Variants in ABCC5 observed in about 807,000 individuals in gnomAD.
The protein encoded by ABCC5 is ATP binding cassette subfamily C member 5.
Under a neutral mutation model 160.9 loss-of-function variants are expected in ABCC5, and 61 were observed. The ratio of observed to expected loss-of-function variants is 0.38; its 90% CI spans 0.31 to 0.47. The LOEUF is 0.47. ABCC5 is among the 20% of genes least tolerant of loss of function. ABCC5 has a pLI of 0.99. For missense variants in ABCC5, 1,308 were observed against 1,813.3 expected (o/e 0.72, Z 5.06); for synonymous variants, 666 against 700.6 (o/e 0.95, Z 0.78).
chr3:183,927,586 T>G, intron 27 of ABCC5, 143 bp from the exon 28 acceptor site: 1 of 1,430,776 alleles, frequency 7.0e-7, no homozygotes, highest in South Asian at 1.4e-5. Flanking sequence ...AAGGTGCAGG[T>G]GTACTGATCA....
At chr3:183,923,057 G>T (rs1444967769) in intron 29 of ABCC5, among the ~76,000 whole-genome samples, 1 of 152,146 alleles carries the variant, frequency 6.6e-6, no homozygotes, top group Non-Finnish European at 1.5e-5. Flanking sequence ...GTGTGCAGAT[G>T]CAAGAAAAAC....
In ABCC5 at chr3:183,996,933, T is replaced by G. The variant is rs542393845; in HGVS notation, c.130-7550A>C. Among the ~76,000 whole-genome samples, 3 of 152,286 alleles carry G rather than the reference T, an allele frequency of 2.0e-5. No individual in the cohort carries two copies. In the South Asian group the frequency reaches 6.2e-4, roughly 32 times the overall value. On this transcript the variant is annotated intron_variant, in intron 2 of 29. Coordinates refer to ENST00000334444, the MANE Select transcript of ABCC5 (RefSeq NM_005688.4). ...GTCATATCTTTACACATTGCCCAAG[T>G]CAGGAAAATGAAATATCTGATGGAA...
chr3:184,001,284 AAAT>A (rs1308938249), intron 2 of ABCC5: 1 of 493,482 alleles, frequency 2.0e-6, no homozygotes, highest in Non-Finnish European at 3.6e-6. Flanking sequence ...AAATTAATTT[AAAT>A]AATATATTTC....
Position 183,978,538 on chromosome 3 carries a change from G to C in ABCC5, c.1261C>G (p.His421Asp). ...VIASVVTFSV[H>D]MTLGFDLTAA... is the part of the protein sequence containing the mutation. ...GTCAGATCGAAGCCCAGGGTCATATGAACAGAGAAGGTCACCACGCTGGCA... is the reference window on the plus strand; with the variant it reads ...GTCAGATCGAAGCCCAGGGTCATATCAACAGAGAAGGTCACCACGCTGGCA... The change falls in exon 9 of 30, where the codon CAT becomes GAT. Residue 421 changes from histidine (H) to aspartate (D), a missense_variant. Transcript: ENST00000334444. 1.9e-6 allele frequency: 3 copies of C among 1,614,084 alleles called. No homozygotes were observed. The highest frequency in any genetic ancestry group is 2.5e-6 in the Non-Finnish European group (3 of 1,180,006).
rs2108936792 is a variant in ABCC5 at position 184,014,443 on chromosome 3, AATTCC to A, written c.-55-1_-52del. ...TCACAGACTGTTAGTTTCACATCAG[AATTCC>A]TGAAATTAAAAATTCATCAAGAAAT... On this transcript the variant is annotated splice_acceptor_variant and 5_prime_UTR_variant, in exon 2 of 30. Coordinates refer to ENST00000334444, the MANE Select transcript of ABCC5 (RefSeq NM_005688.4). LOFTEE classifies it low-confidence loss of function (5UTR_SPLICE). 6.5e-7 allele frequency: 1 copy of A among 1,545,886 alleles called. No homozygotes were observed. Among genetic ancestry groups the A allele is most frequent in the Non-Finnish European group, 8.7e-7 (1 of 1,146,952 alleles).
At chr3:183,940,888 C>T (rs1298168702) in intron 25 of ABCC5, among the ~76,000 whole-genome samples, 12 of 152,104 alleles carry the variant, frequency 7.9e-5, no homozygotes, top group African/African-American at 2.2e-4. Flanking sequence ...GATGGAGTTT[C>T]GCTCTTGTTG....
At chr3:183,941,322 G>A (rs1714324215) in intron 25 of ABCC5, among the ~76,000 whole-genome samples, 1 of 152,170 alleles carries the variant, frequency 6.6e-6, no homozygotes, top group Non-Finnish European at 1.5e-5. Flanking sequence ...TGCAGCAGAT[G>A]GGCTCAAGGG....
chr3:183,972,105 G>A (rs1717808572), intron 10 of ABCC5, 186 bp from the exon 11 acceptor site: 5 of 1,199,104 alleles, frequency 4.2e-6, no homozygotes, highest in Non-Finnish European at 4.8e-6. Context: ...GGAGTGTGGG[G>A]CAACCTCAAG....
At chr3:183,961,486 A>G in intron 16 of ABCC5, 25 bp downstream of exon 16, 3 of 1,612,368 alleles carry the variant, frequency 1.9e-6, no homozygotes, top group Non-Finnish European at 2.5e-6. Context: ...AGAAGGGGAC[A>G]CACGCAAACA....
rs1177251349 is a variant in ABCC5, at chr3:183,950,049, G to A, written c.3021C>T (p.Ile1007=). ...CAAGGAACCACGGGAAGACTCCTGC[G>A]ATCATTCCCACACAGAAGAACACCA... The part of the protein sequence containing the change: ...VILVFFCVGM[I]AGVFPWFLVA... Residue 1007 remains isoleucine, a synonymous_variant, in exon 21 of 30, where the codon ATC becomes ATT. Transcript: ENST00000334444. The A allele has an allele frequency of 6.8e-6, 11 of 1,613,928 alleles. No homozygotes were observed. Among genetic ancestry groups the A allele is most frequent in the African/African-American group, 2.7e-5 (2 of 74,856 alleles).
intron 2 of ABCC5, among the ~76,000 whole-genome samples, chr3:184,008,858 CTT>C (rs1467760199): frequency 2.0e-5 from 3 of 151,158 alleles, no homozygotes; most frequent in Admixed American, 1.3e-4. Flanking sequence ...TTCTTTCTTT[CTT>C]TATTTTTTTT....
At position 183,949,531 on chromosome 3, in the gene ABCC5, G is replaced by A. The variant is rs1354832887; in HGVS notation, c.3227+222C>T. ...GTAGCTGTGACTATAGGCACGTGATGCCGCATGCGGCCCAAATCTGTATTT... is the reference window on the plus strand; with the variant it reads ...GTAGCTGTGACTATAGGCACGTGATACCGCATGCGGCCCAAATCTGTATTT... On this transcript the variant is annotated intron_variant, in intron 22 of 29. Transcript: ENST00000334444. The surrounding 1 kb of genome is among the most constrained non-coding windows in gnomAD (Gnocchi z 4.2). Among the ~76,000 whole-genome samples, 6 of 152,252 alleles carry A rather than the reference G, an allele frequency of 3.9e-5. No homozygotes were observed. The highest frequency in any genetic ancestry group is 7.3e-5 in the Non-Finnish European group (5 of 68,042).
chr3:183,973,258 A>G (rs1025356830), intron 10 of ABCC5, among the ~76,000 whole-genome samples: 3 of 150,200 alleles, frequency 2.0e-5, no homozygotes, highest in Admixed American at 6.7e-5. Flanking sequence ...GTTTCACTAT[A>G]TTAGCCAGGA....
In ABCC5 at chr3:183,962,327, T is replaced by C. The variant is rs552291113; in HGVS notation, c.2236-673A>G. Among the ~76,000 whole-genome samples, 8 of 152,226 alleles carry C rather than the reference T, an allele frequency of 5.3e-5. No individual in the cohort carries two copies. In the South Asian group the frequency reaches 6.2e-4, roughly 12 times the overall value. On this transcript the variant is annotated intron_variant, in intron 15 of 29. Transcript: ENST00000334444. Reference sequence around the variant, plus strand: ...CAGAATGGTTGTGTGGAAACCATCATAAAGTCAAAAAACTGTAAGTTGAAC... The same window carrying C: ...CAGAATGGTTGTGTGGAAACCATCACAAAGTCAAAAAACTGTAAGTTGAAC...
At chr3:183,931,014 GT>G (rs1247010907) in intron 26 of ABCC5, among the ~76,000 whole-genome samples, 1 of 152,066 alleles carries the variant, frequency 6.6e-6, no homozygotes, top group African/African-American at 2.4e-5. Flanking sequence ...TAAATGCTAT[GT>G]TTTTTTCCCC....
chr3:183,979,849 A>G (rs138913976), intron 8 of ABCC5, among the ~76,000 whole-genome samples: 1 of 151,510 alleles, frequency 6.6e-6, no homozygotes, highest in East Asian at 2.0e-4. Context: ...CGTGGAGACT[A>G]AAGGCATGAG....
At chr3:183,985,173 C>T in intron 5 of ABCC5, 1 of 894,834 alleles carries the variant, frequency 1.1e-6, no homozygotes, top group Non-Finnish European at 1.7e-6. Context: ...ATGAAAAATC[C>T]AACCAAAATT....
At chr3:183,956,845 C>T (rs1325345108) in intron 17 of ABCC5, among the ~76,000 whole-genome samples, 1 of 39,316 alleles carries the variant, frequency 2.5e-5, no homozygotes, top group Admixed American at 2.3e-4. Flanking sequence ...ACATCGGTTA[C>T]ATGCAGATCC....
intron 20 of ABCC5, 33 bp from the exon 21 acceptor site, chr3:183,950,158 T>C (rs774822368): frequency 5.1e-6 from 8 of 1,579,082 alleles, no homozygotes; most frequent in Middle Eastern, 3.4e-4. Flanking sequence ...AAGTGTCAGA[T>C]GGTTTGGAAA....
Sources: gnomAD v4.1 joint callset for allele counts (sites outside exome capture counted in the v4.1 genomes callset) on GRCh38, gnomAD v4.1.1 for gene constraint, Gnocchi (gnomAD v3.1) non-coding constraint, MANE v1.5 for transcripts, NCBI Gene and HGNC (gene_info 2026-07-23, HGNC 2026-07-21) for gene names.